PIGN: variants seen among roughly 807,000 people sequenced by gnomAD.
The protein encoded by PIGN is GPI ethanolamine phosphate transferase 1.
A neutral mutation model predicts 125.4 loss-of-function variants in PIGN; 117 were observed. The observed-to-expected ratio is 0.93, with a 90% CI of 0.80 to 1.09. The LOEUF (loss-of-function observed/expected upper bound fraction) is 1.09. Among genes scored for constraint, PIGN ranks in the 50% least tolerant of loss-of-function variants. The probability of loss-of-function intolerance (pLI) is 0.00; values close to 1 mark genes in which losing one functional copy is unlikely to be tolerated. For synonymous variants in PIGN, 392 were observed against 377.8 expected, an observed-to-expected ratio of 1.04 and a Z score of -0.44; for missense variants, 1,075 against 1,094.9, an observed-to-expected ratio of 0.98 and a Z score of 0.26.
chr18:62,076,839 A>G (rs1244563215), intron 28 of PIGN, among the ~76,000 whole-genome samples: 1 of 152,208 alleles, frequency 6.6e-6, no homozygotes, highest in Non-Finnish European at 1.5e-5. Flanking sequence ...TAATCTGATT[A>G]AGAGTTTGTA....
chr18:62,085,658 C>G (rs1390204448), intron 25 of PIGN, among the ~76,000 whole-genome samples: 2 of 152,120 alleles, frequency 1.3e-5, no homozygotes, highest in Admixed American at 6.5e-5. Flanking sequence ...TGCCGTAAAC[C>G]CACCACCTGC....
rs186370425 is a variant in PIGN at position 62,167,558 on chromosome 18, C to T, written c.-235-3902G>A. Among the ~76,000 whole-genome samples, 638 of 148,882 alleles carry T rather than the reference C, an allele frequency of 4.3e-3. 2 individuals carry two copies. The highest frequency in any genetic ancestry group is 6.2e-3 in the Non-Finnish European group (419 of 67,372). On this transcript the variant is annotated intron_variant, in intron 1 of 30. Coordinates refer to ENST00000640252, the MANE Select transcript of PIGN (RefSeq NM_176787.5). ...GAGGCAGGAGAATCGCTTGAACCTG[C>T]GAGGCAGAGGCTGCAGTGAGCCAAG...
chr18:62,074,830 A>G lies in PIGN; in HGVS notation c.2577-9T>C. On this transcript the variant is annotated splice_polypyrimidine_tract_variant and intron_variant, in intron 28 of 30. Transcript: ENST00000640252. The stretch of plus-strand genomic sequence containing the variant: ...GAACAATGAGAAAAAGGCTGGAAAA[A>G]AAAAGAAGGAAAAATTACATCTAAT... 1 of 1,595,084 alleles carries G rather than the reference A, an allele frequency of 6.3e-7. No individual in the cohort carries two copies. The highest frequency in any genetic ancestry group is 8.6e-7 in the Non-Finnish European group (1 of 1,165,822).
intron 1 of PIGN, among the ~76,000 whole-genome samples, chr18:62,168,853 A>T (rs2849038): frequency 8.2e-6 from 1 of 122,250 alleles, no homozygotes; most frequent in African/African-American, 3.1e-5. Context: ...ACAACCACTA[A>T]TTTTTTTTTT....
At chr18:62,064,063 A>G (rs138629114) in intron 30 of PIGN, among the ~76,000 whole-genome samples, 148 of 152,284 alleles carry the variant, frequency 9.7e-4, no homozygotes, top group Non-Finnish European at 1.5e-3. Flanking sequence ...TGTACCCTAG[A>G]ACTTAAAGCA....
chr18:62,136,285 T>C (rs190071127), intron 14 of PIGN: 11 of 152,300 alleles, frequency 7.2e-5, no homozygotes, highest in African/African-American at 2.6e-4. Context: ...CCTATACACA[T>C]ATATATACAC....
chr18:62,027,227 C>T (rs992762254), intron 23 of PIGN, among the ~76,000 whole-genome samples: 12 of 151,938 alleles, frequency 7.9e-5, no homozygotes, highest in South Asian at 2.1e-4. Flanking sequence ...TAAAGGAGGC[C>T]GAGAGGAGAA....
At chr18:62,097,128 G>A (rs1184488949) in intron 22 of PIGN, among the ~76,000 whole-genome samples, 2 of 139,946 alleles carry the variant, frequency 1.4e-5, no homozygotes, top group South Asian at 2.4e-4. Flanking sequence ...CCATCAGAGT[G>A]AACAGGCAAC....
intron 1 of PIGN, among the ~76,000 whole-genome samples, chr18:62,179,921 C>T (rs1013797786): frequency 3.3e-5 from 5 of 152,056 alleles, no homozygotes; most frequent in African/African-American, 1.2e-4. Context: ...ATCAGTACTA[C>T]CAAAAAAGCC....
intron 28 of PIGN, among the ~76,000 whole-genome samples, chr18:62,082,094 A>G (rs1885405844): frequency 6.6e-6 from 1 of 152,166 alleles, no homozygotes; most frequent in Admixed American, 6.5e-5. Context: ...AAAAGCAAAT[A>G]GTTGAGTTGA....
intron 25 of PIGN, among the ~76,000 whole-genome samples, chr18:62,085,966 A>C (rs1788181030): frequency 6.6e-6 from 1 of 152,212 alleles, no homozygotes; most frequent in African/African-American, 2.4e-5. Flanking sequence ...AGGAAGTACG[A>C]ATCATGACAA....
At chr18:62,118,529 A>C (rs1370039392) in intron 14 of PIGN, 1 of 152,214 alleles carries the variant, frequency 6.6e-6, no homozygotes, top group Non-Finnish European at 1.5e-5. Context: ...GCACAAAGCA[A>C]GAGGCTGAGA....
chr18:62,023,574 C>T (rs1053134089), intron 23 of PIGN, among the ~76,000 whole-genome samples: 1 of 152,210 alleles, frequency 6.6e-6, no homozygotes, highest in Middle Eastern at 3.2e-3. Flanking sequence ...GTGGCTGTAT[C>T]AACAGTTCCA....
At chr18:62,086,880 C>T (rs1194393594) in intron 25 of PIGN, among the ~76,000 whole-genome samples, 1 of 134,888 alleles carries the variant, frequency 7.4e-6, no homozygotes, top group African/African-American at 2.5e-5. Context: ...GGACAAGGAG[C>T]AGTTAAATAT....
At chr18:62,139,494 A>G (rs1375251691) in intron 12 of PIGN, among the ~76,000 whole-genome samples, 1 of 152,254 alleles carries the variant, frequency 6.6e-6, no homozygotes, top group Non-Finnish European at 1.5e-5. Context: ...ATACATATAC[A>G]CAAACACTAT....
chr18:62,040,817 G>C (rs1344096450), downstream of PIGN, among the ~76,000 whole-genome samples: 1 of 152,180 alleles, frequency 6.6e-6, no homozygotes, highest in Non-Finnish European at 1.5e-5. Context: ...ATGTCTGTAA[G>C]ATTGACAATT....
rs1275133986 is a variant in PIGN, at chr18:62,088,896, T to G, written c.2284-54A>C. On this transcript the variant is annotated intron_variant, in intron 24 of 30. Transcript: ENST00000640252. ...CACAATAACAGTTGGCTTATTTCTA[T>G]ATTTGAAGGCAAACTTACAATGGCT... 34 of 1,038,108 alleles carry G rather than the reference T, an allele frequency of 3.3e-5. No individual in the cohort carries two copies. The East Asian group carries it at 8.9e-4, about 27-fold the overall frequency. The allele number at this position is 1,038,108 out of a possible 1,614,324, so 64.3% of individuals were successfully genotyped here.
At chr18:62,137,410 A>T (rs181182508) in intron 14 of PIGN, 347 of 286,124 alleles carry the variant, frequency 1.2e-3, no homozygotes, top group African/African-American at 7.1e-3. Context: ...ATGTGAGTCA[A>T]TACTCCTTAA....
chr18:62,055,075 A>G (rs778025148), intron 30 of PIGN, among the ~76,000 whole-genome samples: 1 of 152,240 alleles, frequency 6.6e-6, no homozygotes, highest in African/African-American at 2.4e-5. Flanking sequence ...GAGAAACTGG[A>G]TTGACAGTCT....
Sources: gnomAD v4.1 joint callset for allele counts (sites outside exome capture counted in the v4.1 genomes callset) on GRCh38, gnomAD v4.1.1 for gene constraint, MANE v1.5 for transcripts, NCBI Gene and HGNC (gene_info 2026-07-23, HGNC 2026-07-21) for gene names.